The following TAP1 variants were observed in gnomAD, a reference collection of about 807,000 sequenced individuals.
The protein encoded by TAP1 is transporter 1, ATP binding cassette subfamily B member.
A neutral mutation model predicts 79.3 loss-of-function variants in TAP1; 56 were observed. That is an observed-to-expected ratio of 0.71 (90% CI 0.57 to 0.88). The LOEUF is 0.88. Among genes scored for constraint, TAP1 ranks in the 40% least tolerant of loss-of-function variants. The probability of loss-of-function intolerance (pLI) is 0.00; values close to 1 mark genes in which losing one functional copy is unlikely to be tolerated. For synonymous variants in TAP1, 355 were observed against 401.4 expected (o/e 0.88, Z 1.38); for missense variants, 737 against 936.3 (o/e 0.79, Z 2.78).
rs1044659451 is a variant in TAP1, at chr6:32,847,257, T to C, written c.1904-53A>G. The C allele has an allele frequency of 6.3e-7, 1 of 1,593,086 alleles. No homozygotes were observed. Among genetic ancestry groups the C allele is most frequent in the African/African-American group, 1.5e-5 (1 of 67,678 alleles). ...CGGTATAGCCACATGTGTGCACGCATGTACATGCACACAGACACACTCATG... is the reference window on the plus strand; with the variant it reads ...CGGTATAGCCACATGTGTGCACGCACGTACATGCACACAGACACACTCATG... On this transcript the variant is annotated intron_variant, in intron 9 of 10. Coordinates refer to ENST00000354258, the MANE Select transcript of TAP1 (RefSeq NM_000593.6). The surrounding 1 kb of genome is among the most constrained non-coding windows in gnomAD (Gnocchi z 4.7).
At position 32,852,452 on chromosome 6, in the gene TAP1, G is replaced by T; in HGVS notation, c.649C>A (p.Gln217Lys). The T allele has an allele frequency of 6.2e-7, 1 of 1,613,048 alleles. No homozygotes were observed. The highest frequency in any genetic ancestry group is 1.1e-5 in the South Asian group (1 of 91,078). ...FTGRLTDWIL[Q>K]DGSADTFTRN... ...GTGAAGGTATCGGCTGAGCCATCTT[G>T]TAGAATCCAGTCAGTGAGGCGGCCC... The change falls in exon 2 of 11, where the codon CAA (glutamine) becomes AAA (lysine). Residue 217 changes from glutamine (Q) to lysine (K), a missense_variant. Physicochemically the swap from Gln to Lys is moderately conservative, Grantham distance 53. This residue lies in a region of TAP1 where 406 missense variants were observed against 477.2 expected (regional missense o/e 0.85). Coordinates refer to ENST00000354258, the MANE Select transcript of TAP1 (RefSeq NM_000593.6). The surrounding 1 kb of genome is among the most constrained non-coding windows in gnomAD (Gnocchi z 4.8).
At position 32,853,325 on chromosome 6, in the gene TAP1, G is replaced by GC; in HGVS notation, c.311dup (p.Ala106GlyfsTer22). Reference sequence around the variant, plus strand: ...ACAAGGCAAGTCCCGGCAGGGCCAAGCCCAGTGCCGCAGCTAATGGCTTCA... The same window carrying GC: ...ACAAGGCAAGTCCCGGCAGGGCCAAGCCCCAGTGCCGCAGCTAATGGCTTCA... On this transcript the variant is annotated frameshift_variant, in exon 1 of 11. Transcript: ENST00000354258. LOFTEE classifies it high-confidence loss of function. This position sits in a 1 kb window ranked among gnomAD's most constrained non-coding sequence, Gnocchi z 8.3. 6.3e-7 allele frequency: 1 copy of GC among 1,580,266 alleles called. No individual in the cohort carries two copies. Among genetic ancestry groups the GC allele is most frequent in the Non-Finnish European group, 8.6e-7 (1 of 1,162,682 alleles).
Position 32,853,590 on chromosome 6 carries a change from G to C in TAP1, c.47C>G (p.Pro16Arg). 3.7e-6 allele frequency: 6 copies of C among 1,612,594 alleles called. No individual in the cohort carries two copies. Among genetic ancestry groups the C allele is most frequent in the Non-Finnish European group, 5.1e-6 (6 of 1,179,766 alleles). ...CCCCAGCCATGCGAGAGAAGCTCCG[G>C]GGAGGCAGCGGCACCCGCGGGGAGC... ...CPAPRGCRCL[P>R]GASLAWLGTV... Residue 16 changes from proline (P) to arginine (R), a missense_variant, in exon 1 of 11, where the codon CCC becomes CGC. Transcript: ENST00000354258. This position sits in a 1 kb window ranked among gnomAD's most constrained non-coding sequence, Gnocchi z 8.3.
At position 32,853,574 on chromosome 6, in the gene TAP1, T is replaced by C. The variant is rs1408665994; in HGVS notation, c.63A>G (p.Ala21=). The stretch of plus-strand genomic sequence containing the variant: ...GAAGTAGCAGTACTGTCCCCAGCCA[T>C]GCGAGAGAAGCTCCGGGGAGGCAGC... ...GCRCLPGASL[A]WLGTVLLLLA... Residue 21 remains alanine (A), a synonymous_variant, in exon 1 of 11, where the codon GCA becomes GCG. Transcript: ENST00000354258. The surrounding 1 kb of genome is among the most constrained non-coding windows in gnomAD (Gnocchi z 8.3). 1.9e-6 allele frequency: 3 copies of C among 1,612,508 alleles called. No homozygotes were observed. Among genetic ancestry groups the C allele is most frequent in the South Asian group, 2.2e-5 (2 of 91,062 alleles).
chr6:32,846,804 G>A lies in TAP1; in HGVS notation c.2040+264C>T, dbSNP rs375969180. 1.2e-4 allele frequency among the ~76,000 whole-genome samples: 18 copies of A among 151,804 alleles called. No homozygotes were observed. In the East Asian group the frequency reaches 1.5e-3, roughly 13 times the overall value. On this transcript the variant is annotated intron_variant, in intron 10 of 10. Coordinates refer to ENST00000354258, the MANE Select transcript of TAP1 (RefSeq NM_000593.6). ...TGCGCTCCAGCCTGGGCAACTGAGT[G>A]AGACACTGTCTTAAAAAAAAAAAAG...
Position 32,851,701 on chromosome 6 carries a change from G to A in TAP1, c.844+408C>T, listed in dbSNP as rs4148879. Among the ~76,000 whole-genome samples the A allele has an allele frequency of 0.11, 17,405 of 152,200 alleles. 1,102 individuals are homozygous for A. The highest frequency in any genetic ancestry group is 0.21 in the East Asian group (1,111 of 5,190). On this transcript the variant is annotated intron_variant, in intron 3 of 10. Transcript: ENST00000354258. The surrounding 1 kb of genome is among the most constrained non-coding windows in gnomAD (Gnocchi z 4.8). The stretch of plus-strand genomic sequence containing the variant: ...GTAACTGTGCAGTTTCAGCATTTAG[G>A]GTCTTGGCCTCAGTTTCCTTCTCTG...
rs777729422 is a variant in TAP1 at position 32,848,980 on chromosome 6, G to A, written c.1377+10C>T. 6.2e-7 allele frequency: 1 copy of A among 1,612,692 alleles called. No individual in the cohort carries two copies. Among genetic ancestry groups the A allele is most frequent in the Admixed American group, 1.7e-5 (1 of 59,818 alleles). ...AATCACACTGGGGAGTGAAGGTGGA[G>A]GGACCTCACCTCCACAGCCTGGGTG... On this transcript the variant is annotated intron_variant, in intron 6 of 10. Transcript: ENST00000354258.
chr6:32,848,667 A>T lies in TAP1; in HGVS notation c.1551T>A (p.Asp517Glu). The change falls in exon 7 of 11, where the codon GAT becomes GAA. Residue 517 changes from aspartate to glutamate, a missense_variant. Asp to Glu is a conservative substitution (Grantham distance 45, BLOSUM62 2). Coordinates refer to ENST00000354258, the MANE Select transcript of TAP1 (RefSeq NM_000593.6). Reference sequence around the variant, plus strand: ...TAGGTTGTACCTGTAGCACTAAGACATCTGGGCGGTTTGGGTAGGCAAAGG... The same window carrying T: ...TAGGTTGTACCTGTAGCACTAAGACTTCTGGGCGGTTTGGGTAGGCAAAGG... ...DVSFAYPNRPDVLVLQGLTFT... is the reference protein window; with the variant it reads ...DVSFAYPNRPEVLVLQGLTFT... 1 of 1,614,064 alleles carries T rather than the reference A, an allele frequency of 6.2e-7. No homozygotes were observed. The highest frequency in any genetic ancestry group is 2.2e-5 in the East Asian group (1 of 44,876).
At chr6:32,846,154 G>A (rs1211836384) in intron 10 of TAP1, 1 of 340,076 alleles carries the variant, frequency 2.9e-6, no homozygotes, top group South Asian at 3.1e-5. Flanking sequence ...CTGAATTTGG[G>A]TCAAGGCTGC....
rs1423153488 is a variant in TAP1, at chr6:32,849,730, G to A, written c.1248+590C>T. On this transcript the variant is annotated intron_variant, in intron 5 of 10. Transcript: ENST00000354258. ...CGCGCCACTGCACTCCAGCCTGGGC[G>A]ACAAAGCGAGACTCCAGCTCAAAAA... 3.0e-5 allele frequency: 5 copies of A among 164,500 alleles called. No homozygotes were observed. In the East Asian group the frequency reaches 5.2e-4, roughly 17 times the overall value. The allele number at this position is 164,500 out of a possible 1,614,324, so 10.2% of individuals were successfully genotyped here.
In TAP1 at chr6:32,845,209, T is replaced by A; in HGVS notation, c.*370A>T. The A allele has an allele frequency of 2.7e-6, 1 of 369,444 alleles. No homozygotes were observed. Among genetic ancestry groups the A allele is most frequent in the South Asian group, 2.6e-5 (1 of 37,818 alleles). The allele number at this position is 369,444 out of a possible 1,614,324, so 22.9% of individuals were successfully genotyped here. On this transcript the variant is annotated 3_prime_UTR_variant, in exon 11 of 11. Coordinates refer to ENST00000354258, the MANE Select transcript of TAP1 (RefSeq NM_000593.6). This position sits in a 1 kb window ranked among gnomAD's most constrained non-coding sequence, Gnocchi z 4.5. ...GTGCCGGAAACATAAGAAACCACAG[T>A]ACAAAACACCAATTTTATTATAAAT...
At position 32,845,755 on chromosome 6, in the gene TAP1, G is replaced by A. The variant is rs747716612; in HGVS notation, c.2071C>T (p.Arg691Trp). The change falls in exon 11 of 11, where the codon CGG becomes TGG. Residue 691 changes from arginine (R) to tryptophan (W), a missense_variant. Physicochemically the swap from Arg to Trp is moderately radical, Grantham distance 101 (BLOSUM62 -3). Coordinates refer to ENST00000354258, the MANE Select transcript of TAP1 (RefSeq NM_000593.6). The surrounding 1 kb of genome is among the most constrained non-coding windows in gnomAD (Gnocchi z 4.5). ...VEQLLYESPE[R>W]YSRSVLLITQ... ...ATGAGAAGCACTGAGCGGGAGTACC[G>A]CTCAGGGCTTTCGTACAGGAGCTGC... 8.1e-6 allele frequency: 13 copies of A among 1,612,466 alleles called. No individual in the cohort carries two copies. The highest frequency in any genetic ancestry group is 5.3e-5 in the African/African-American group (4 of 74,908).
At chr6:32,848,559 G>T in intron 7 of TAP1, 93 bp downstream of exon 7, 1 of 1,340,804 alleles carries the variant, frequency 7.5e-7, no homozygotes, top group Non-Finnish European at 1.1e-6. Context: ...GAGGATATAT[G>T]CTTGGCAGTA....
Position 32,852,157 on chromosome 6 carries a change from C to T in TAP1, c.796G>A (p.Gly266Arg). 1 of 1,613,022 alleles carries T rather than the reference C, an allele frequency of 6.2e-7. No individual in the cohort carries two copies. Among genetic ancestry groups the T allele is most frequent in the Non-Finnish European group, 8.5e-7 (1 of 1,180,018 alleles). Residue 266 changes from glycine to arginine, a missense_variant, in exon 3 of 11, where the codon GGG (glycine) becomes AGG (arginine). Gly to Arg is a moderately radical substitution (Grantham distance 125). Transcript: ENST00000354258. This position sits in a 1 kb window ranked among gnomAD's most constrained non-coding sequence, Gnocchi z 4.8. ...VHSHLQGEVF[G>R]AVLRQETEFF... The stretch of plus-strand genomic sequence containing the variant: ...TCCGTCTCCTGGCGCAGGACAGCCC[C>T]AAACACCTCTCCCTGCAAGTGGCTG...
intron 7 of TAP1, among the ~76,000 whole-genome samples, 179 bp downstream of exon 7, chr6:32,848,473 A>G (rs1443306413): frequency 6.6e-6 from 1 of 152,260 alleles, no homozygotes; most frequent in Non-Finnish European, 1.5e-5. Context: ...TCTCTTTGGA[A>G]GCCCAAACTG....
In TAP1 at chr6:32,845,245, T is replaced by C; in HGVS notation, c.*334A>G. 2.2e-6 allele frequency: 1 copy of C among 463,978 alleles called. No homozygotes were observed. Among genetic ancestry groups the C allele is most frequent in the East Asian group, 4.1e-5 (1 of 24,190 alleles). 28.7% of individuals were successfully genotyped at this position (463,978 alleles called of 1,614,324 possible). Reference sequence around the variant, plus strand: ...AATTTTATTATAAATATCAAGAACCTACAGGGTGTTTATGGGCCAGCATAT... The same window carrying C: ...AATTTTATTATAAATATCAAGAACCCACAGGGTGTTTATGGGCCAGCATAT... On this transcript the variant is annotated 3_prime_UTR_variant, in exon 11 of 11. Transcript: ENST00000354258. This position sits in a 1 kb window ranked among gnomAD's most constrained non-coding sequence, Gnocchi z 4.5.
Position 32,853,107 on chromosome 6 carries a change from A to G in TAP1, c.530T>C (p.Leu177Pro). The G allele has an allele frequency of 4.3e-6, 7 of 1,612,774 alleles. No individual in the cohort carries two copies. Among genetic ancestry groups the G allele is most frequent in the Non-Finnish European group, 5.1e-6 (6 of 1,179,960 alleles). Reference sequence around the variant, plus strand: ...GCGCGTCTCCGAGCCCAGGCAGCCTAGAAGCCGACGCACAGGGTTTCCAGA... The same window carrying G: ...GCGCGTCTCCGAGCCCAGGCAGCCTGGAAGCCGACGCACAGGGTTTCCAGA... ...GGSGNPVRRL[L>P]GCLGSETRRL... The change falls in exon 1 of 11, where the codon CTA becomes CCA. Residue 177 changes from leucine to proline, a missense_variant. Physicochemically the swap from Leu to Pro is moderately conservative, Grantham distance 98. This residue lies in a region of TAP1 where 406 missense variants were observed against 477.2 expected (regional missense o/e 0.85). Transcript: ENST00000354258. The surrounding 1 kb of genome is among the most constrained non-coding windows in gnomAD (Gnocchi z 8.3).
Position 32,851,046 on chromosome 6 carries a change from G to C in TAP1, c.948C>G (p.Leu316=). Residue 316 remains leucine, a synonymous_variant, in exon 4 of 11, where the codon CTC becomes CTG. Coordinates refer to ENST00000354258, the MANE Select transcript of TAP1 (RefSeq NM_000593.6). This position sits in a 1 kb window ranked among gnomAD's most constrained non-coding sequence, Gnocchi z 4.8. ...FLWYLVRGLC[L]LGIMLWGSVS... ...CTGATCCCCAGAGCATGATCCCCAA[G>C]AGACATAGGCCTCGCACCAGGTACC... is the stretch of plus-strand genomic sequence containing the variant. 6.2e-7 allele frequency: 1 copy of C among 1,613,058 alleles called. No homozygotes were observed. Among genetic ancestry groups the C allele is most frequent in the Non-Finnish European group, 8.5e-7 (1 of 1,180,028 alleles).
At position 32,847,573 on chromosome 6, in the gene TAP1, C is replaced by G; in HGVS notation, c.1843G>C (p.Ala615Pro). The G allele has an allele frequency of 6.2e-7, 1 of 1,614,050 alleles. No individual in the cohort carries two copies. Among genetic ancestry groups the G allele is most frequent in the Non-Finnish European group, 8.5e-7 (1 of 1,180,036 alleles). The stretch of plus-strand genomic sequence containing the variant: ...CTATGGGCCCCAGACTTTACTGCAG[C>G]AGCTGTGATTTCCTCCATAGTTGGC... ...QKPTMEEITA[A>P]AVKSGAHSFI... Residue 615 changes from alanine to proline, a missense_variant, in exon 9 of 11, where the codon GCT (alanine) becomes CCT (proline). By Grantham distance (27) the Ala-to-Pro change is conservative. Coordinates refer to ENST00000354258, the MANE Select transcript of TAP1 (RefSeq NM_000593.6). The surrounding 1 kb of genome is among the most constrained non-coding windows in gnomAD (Gnocchi z 4.7).
Sources: allele counts gnomAD v4.1 joint callset (sites outside exome capture counted in the v4.1 genomes callset), GRCh38; gene constraint gnomAD v4.1.1; regional missense constraint gnomAD v4.1.1; non-coding constraint Gnocchi (gnomAD v3.1); transcripts MANE v1.5; gene names NCBI Gene and HGNC (gene_info 2026-07-23, HGNC 2026-07-21).